Variants in PLPP1 observed in about 807,000 individuals in gnomAD.
PLPP1 encodes the protein phospholipid phosphatase 1, also known as lipid phosphate phosphohydrolase 1a.
PLPP1 carries 24 observed loss-of-function variants against 31.2 expected under a neutral mutation model. The ratio of observed to expected loss-of-function variants is 0.77; its 90% CI spans 0.56 to 1.08. The LOEUF is 1.08. PLPP1 is among the 50% of genes least tolerant of loss of function. The pLI is 0.00. For synonymous variants in PLPP1, 146 were observed against 126.3 expected, an observed-to-expected ratio of 1.16 and a Z score of -1.05; for missense variants, 319 against 342.7, an observed-to-expected ratio of 0.93 and a Z score of 0.55.
At chr5:55,479,836 G>A (rs1752634946) in intron 1 of PLPP1, among the ~76,000 whole-genome samples, 1 of 152,200 alleles carries the variant, frequency 6.6e-6, no homozygotes, top group South Asian at 2.1e-4. Flanking sequence ...TACTTTGAGA[G>A]CATGTAGGTT....
chr5:55,533,924 G>C (rs1286632262), intron 1 of PLPP1, among the ~76,000 whole-genome samples: 1 of 152,106 alleles, frequency 6.6e-6, no homozygotes, highest in Non-Finnish European at 1.5e-5. Context: ...TGCTCCTTGA[G>C]ACACTGTCAC....
intron 1 of PLPP1, among the ~76,000 whole-genome samples, chr5:55,527,772 T>G (rs1740518708): frequency 6.6e-6 from 1 of 152,152 alleles, no homozygotes; most frequent in African/African-American, 2.4e-5. Context: ...GAAGGGTTAT[T>G]AGAACCCAGA....
chr5:55,496,111 G>A (rs146125190), intron 1 of PLPP1, among the ~76,000 whole-genome samples: 1 of 152,194 alleles, frequency 6.6e-6, no homozygotes, highest in East Asian at 1.9e-4. Context: ...ACCTGCCTCG[G>A]CCTCCCAAAG....
chr5:55,520,146 C>T (rs540887452), intron 1 of PLPP1, among the ~76,000 whole-genome samples: 8 of 152,316 alleles, frequency 5.3e-5, no homozygotes, highest in African/African-American at 1.9e-4. Context: ...TGTTCTCTCT[C>T]CAACCAAGAA....
rs771882401 is a variant in PLPP1, at chr5:55,425,219, T to G, written c.842A>C (p.Asn281Thr). Residue 281 changes from asparagine to threonine, a missense_variant, in exon 6 of 6, where the codon AAT becomes ACT. Physicochemically the swap from Asn to Thr is moderately conservative, Grantham distance 65 (BLOSUM62 0). Coordinates refer to ENST00000307259, the MANE Select transcript of PLPP1 (RefSeq NM_003711.4). ...CCCTGCTGCCTTTCAAGGCTGGTGA[T>G]TGCTCGGATAGTGATTCCCAGTTGT... ...TPTTGNHYPS[N>T]HQP 2.4e-5 allele frequency: 39 copies of G among 1,613,416 alleles called. No individual in the cohort carries two copies. The highest frequency in any genetic ancestry group is 3.2e-5 in the Non-Finnish European group (38 of 1,179,858).
At chr5:55,425,812 A>ATC in intron 5 of PLPP1, 51 bp downstream of exon 5, 1 of 1,423,470 alleles carries the variant, frequency 7.0e-7, no homozygotes, top group South Asian at 1.6e-5. Context: ...CTATTTACTT[A>ATC]TATAAATGTT....
At chr5:55,437,875 G>A (rs554356839) in intron 4 of PLPP1, among the ~76,000 whole-genome samples, 59 of 152,194 alleles carry the variant, frequency 3.9e-4, no homozygotes, top group African/African-American at 9.7e-5. Context: ...AAAACATCAC[G>A]AAGTATCAAC....
In PLPP1 at chr5:55,482,477, G is replaced by T. The variant is rs373120542; in HGVS notation, c.59-7027C>A. Among the ~76,000 whole-genome samples, 4 of 152,002 alleles carry T rather than the reference G, an allele frequency of 2.6e-5. No individual in the cohort carries two copies. The East Asian group carries it at 5.8e-4, about 22-fold the overall frequency. On this transcript the variant is annotated intron_variant, in intron 1 of 5. Transcript: ENST00000307259. The stretch of plus-strand genomic sequence containing the variant: ...TAAACACCTATTACATGCCACTAAG[G>T]TTACAATGGTGAGCAATACAGACCA...
chr5:55,464,968 T>C (rs1307754218), intron 3 of PLPP1, among the ~76,000 whole-genome samples: 1 of 151,984 alleles, frequency 6.6e-6, no homozygotes, highest in African/African-American at 2.4e-5. Context: ...TTTAAAAGAG[T>C]AGTTCGACTA....
intron 4 of PLPP1, among the ~76,000 whole-genome samples, chr5:55,434,670 C>A (rs1751450394): frequency 6.6e-6 from 1 of 152,126 alleles, no homozygotes; most frequent in African/African-American, 2.4e-5. Context: ...CAAGAACATA[C>A]AATAGAGACA....
At chr5:55,492,117 GCTT>G (rs553849601) in intron 1 of PLPP1, among the ~76,000 whole-genome samples, 18 of 152,122 alleles carry the variant, frequency 1.2e-4, no homozygotes, top group African/African-American at 4.1e-4. Context: ...TAAATTAGTG[GCTT>G]CTTAAGATAT....
At chr5:55,500,257 T>G (rs1327422975) in intron 1 of PLPP1, among the ~76,000 whole-genome samples, 2 of 152,030 alleles carry the variant, frequency 1.3e-5, no homozygotes, top group African/African-American at 4.8e-5. Context: ...TTTTTTGTAT[T>G]TTTAGTAGAG....
chr5:55,425,472 A>G, intron 5 of PLPP1, 138 bp from the exon 6 acceptor site: 2 of 763,326 alleles, frequency 2.6e-6, no homozygotes, highest in Non-Finnish European at 3.8e-6. Flanking sequence ...ATAAAAAATT[A>G]GAGACTAACT....
intron 1 of PLPP1, among the ~76,000 whole-genome samples, chr5:55,523,499 C>T (rs1753717877): frequency 6.6e-6 from 1 of 152,178 alleles, no homozygotes; most frequent in African/African-American, 2.4e-5. Flanking sequence ...GGGTGAGTTT[C>T]CCAACTTTCC....
At chr5:55,472,916 C>A (rs1752453719) in intron 2 of PLPP1, among the ~76,000 whole-genome samples, 1 of 152,216 alleles carries the variant, frequency 6.6e-6, no homozygotes, top group Non-Finnish European at 1.5e-5. Flanking sequence ...CAGTGTCCTG[C>A]TCTACTGCAG....
intron 1 of PLPP1, among the ~76,000 whole-genome samples, chr5:55,507,271 T>C (rs1753300576): frequency 6.6e-6 from 1 of 152,244 alleles, no homozygotes; most frequent in Non-Finnish European, 1.5e-5. Context: ...ACATGTTTCA[T>C]GTCTAGCACA....
chr5:55,473,433 AT>A (rs1752464943), intron 2 of PLPP1, among the ~76,000 whole-genome samples: 1 of 152,206 alleles, frequency 6.6e-6, no homozygotes, highest in Non-Finnish European at 1.5e-5. Flanking sequence ...TAAAACAAAT[AT>A]CTATATACAA....
At chr5:55,463,883 A>G (rs1190058045) in intron 3 of PLPP1, among the ~76,000 whole-genome samples, 2 of 151,766 alleles carry the variant, frequency 1.3e-5, no homozygotes, top group Non-Finnish European at 2.9e-5. Context: ...TTTTCAAAAC[A>G]TATATCTAAC....
chr5:55,511,904 C>T (rs113745359), intron 1 of PLPP1, among the ~76,000 whole-genome samples: 15 of 151,114 alleles, frequency 9.9e-5, no homozygotes, highest in African/African-American at 3.2e-4. Flanking sequence ...CTCCTGACCT[C>T]GTGATCCGTC....
Sources: allele counts gnomAD v4.1 joint callset (sites outside exome capture counted in the v4.1 genomes callset), GRCh38; gene constraint gnomAD v4.1.1; transcripts MANE v1.5; gene names NCBI Gene and HGNC (gene_info 2026-07-23, HGNC 2026-07-21).